The following GLYATL3 variants were observed in gnomAD, a reference collection of about 807,000 sequenced individuals.
GLYATL3 encodes glycine-N-acyltransferase like 3.
GLYATL3 carries 31 observed loss-of-function variants against 28.5 expected under a neutral mutation model. That is an observed-to-expected ratio of 1.09 (90% CI 0.82 to 1.47). GLYATL3 has a LOEUF of 1.47. Ranked by LOEUF, GLYATL3 falls within the 40% of genes most tolerant of loss-of-function variation. The pLI is 0.00. For missense variants in GLYATL3, 369 were observed against 351.5 expected, an observed-to-expected ratio of 1.05 and a Z score of -0.40; for synonymous variants, 141 against 140.2, an observed-to-expected ratio of 1.01 and a Z score of -0.04.
chr6:49,515,953 C>A (rs1769209250), intron 3 of GLYATL3, among the ~76,000 whole-genome samples, 193 bp downstream of exon 3: 3 of 131,596 alleles, frequency 2.3e-5, no homozygotes, highest in Middle Eastern at 7.4e-3. Flanking sequence ...CCCTCCCTCT[C>A]TCTCTCTCTC....
At chr6:49,517,954 C>T (rs946975013) in intron 4 of GLYATL3, among the ~76,000 whole-genome samples, 1 of 152,048 alleles carries the variant, frequency 6.6e-6, no homozygotes, top group Admixed American at 6.6e-5. Context: ...AATAGGTAGG[C>T]CTTTTATTTT....
chr6:49,505,032 G>C (rs888716849), intron 1 of GLYATL3, among the ~76,000 whole-genome samples: 7 of 152,198 alleles, frequency 4.6e-5, no homozygotes, highest in African/African-American at 1.7e-4. Context: ...ATCGAGAACA[G>C]TGTTGTACAA....
rs1395178102 is a variant in GLYATL3, at chr6:49,526,954, G to A, written c.*40G>A. 2 of 1,387,988 alleles carry A rather than the reference G, an allele frequency of 1.4e-6. No homozygotes were observed. Among genetic ancestry groups the A allele is most frequent in the Middle Eastern group, 1.8e-4 (1 of 5,432 alleles). The allele number at this position is 1,387,988 out of a possible 1,614,324, so 86.0% of individuals were successfully genotyped here. A position where few individuals can be genotyped will look rare whatever the true frequency, so the allele number is the denominator to read the frequency against. ...GCAGTGGTTTTATTACTTTCCCTGA[G>A]CATACACACACTCTTGGCTGCCAAC... On this transcript the variant is annotated 3_prime_UTR_variant, in exon 6 of 6. Coordinates refer to ENST00000371197, the MANE Select transcript of GLYATL3 (RefSeq NM_001010904.2).
chr6:49,505,751 C>G (rs1220329560), intron 1 of GLYATL3, among the ~76,000 whole-genome samples: 2 of 152,126 alleles, frequency 1.3e-5, no homozygotes, highest in Non-Finnish European at 2.9e-5. Context: ...CATCCTAACC[C>G]AATCAAAGTG....
At chr6:49,526,435 G>A in intron 5 of GLYATL3, 53 bp from the exon 6 acceptor site, 1 of 1,418,288 alleles carries the variant, frequency 7.1e-7, no homozygotes, top group Non-Finnish European at 9.6e-7. Context: ...GTGTAGTTAT[G>A]TATAACCACA....
chr6:49,518,583 C>T (rs1769257505), intron 4 of GLYATL3, among the ~76,000 whole-genome samples: 1 of 151,990 alleles, frequency 6.6e-6, no homozygotes, highest in Non-Finnish European at 1.5e-5. Context: ...CTTCTATCCA[C>T]CTGGAAAATT....
At chr6:49,516,580 C>T (rs1454416625) in intron 3 of GLYATL3, among the ~76,000 whole-genome samples, 1 of 151,870 alleles carries the variant, frequency 6.6e-6, no homozygotes, top group Non-Finnish European at 1.5e-5. Flanking sequence ...GAGTTATATA[C>T]CCTCTTTATT....
In GLYATL3 at chr6:49,517,440, A is replaced by T; in HGVS notation, c.197A>T (p.Asp66Val). The change falls in exon 4 of 6, where the codon GAT (aspartate) becomes GTT (valine). Residue 66 changes from aspartate (D) to valine (V), a missense_variant. Coordinates refer to ENST00000371197, the MANE Select transcript of GLYATL3 (RefSeq NM_001010904.2). ...TGTCTTCTGTCCTAGGCTGAGACAG[A>T]TAACCTTGATCATTATACTAATGCC... The part of the protein sequence containing the change: ...ITRRQREAET[D>V]NLDHYTNAYA... The T allele has an allele frequency of 6.5e-7, 1 of 1,542,846 alleles. No individual in the cohort carries two copies.
At chr6:49,515,012 C>T (rs185409919) in intron 2 of GLYATL3, among the ~76,000 whole-genome samples, 4 of 152,154 alleles carry the variant, frequency 2.6e-5, no homozygotes, top group African/African-American at 9.7e-5. Context: ...AGTCACCAAG[C>T]ATTCAATCAT....
intron 5 of GLYATL3, among the ~76,000 whole-genome samples, chr6:49,525,355 C>T (rs1769388885): frequency 6.6e-6 from 1 of 151,742 alleles, no homozygotes; most frequent in African/African-American, 2.4e-5. Flanking sequence ...CACTGGAGTG[C>T]AGCAGTTGGA....
rs527643027 is a variant in GLYATL3 at position 49,502,434 on chromosome 6, A to G, written c.-29+2392A>G. On this transcript the variant is annotated intron_variant, in intron 1 of 5. Transcript: ENST00000371197. ...TTATGTCTAAACTTAAATTATCTTCACTTCCTTGTAAATGGCATTTTACTG... is the reference window on the plus strand; with the variant it reads ...TTATGTCTAAACTTAAATTATCTTCGCTTCCTTGTAAATGGCATTTTACTG... Among the ~76,000 whole-genome samples, 5 of 152,288 alleles carry G rather than the reference A, an allele frequency of 3.3e-5. No homozygotes were observed. The East Asian group carries it at 5.8e-4, about 18-fold the overall frequency.
rs972355871 is a variant in GLYATL3 at position 49,499,946 on chromosome 6, G to A, written c.-125G>A. The A allele has an allele frequency of 6.6e-6, 1 of 151,878 alleles. No individual in the cohort carries two copies. Among genetic ancestry groups the A allele is most frequent in the Non-Finnish European group, 1.5e-5 (1 of 67,986 alleles). The allele number at this position is 151,878 out of a possible 1,614,324, so 9.4% of individuals were successfully genotyped here. A position where few individuals can be genotyped will look rare whatever the true frequency, so the allele number is the denominator to read the frequency against. On this transcript the variant is annotated 5_prime_UTR_variant, in exon 1 of 6. Coordinates refer to ENST00000371197, the MANE Select transcript of GLYATL3 (RefSeq NM_001010904.2). ...CTGTTTCCACTAAGGGCTAATTAGAGAGGTAGCCTTGAAGAATAAACTTAC... is the reference window on the plus strand; with the variant it reads ...CTGTTTCCACTAAGGGCTAATTAGAAAGGTAGCCTTGAAGAATAAACTTAC...
chr6:49,511,941 C>T, intron 1 of GLYATL3, 22 bp from the exon 2 acceptor site: 1 of 879,636 alleles, frequency 1.1e-6, no homozygotes, highest in Non-Finnish European at 1.8e-6. Flanking sequence ...AATTAAATGC[C>T]TACCTTCAAG....
rs189419026 is a variant in GLYATL3, at chr6:49,527,827, T to C, written c.*913T>C. On this transcript the variant is annotated 3_prime_UTR_variant, in exon 6 of 6. Coordinates refer to ENST00000371197, the MANE Select transcript of GLYATL3 (RefSeq NM_001010904.2). ...ACACATATATATACATTCTCTTCAT[T>C]TCTTTTATATGTATAGGTATATACT... is the stretch of plus-strand genomic sequence containing the variant. 8.3e-4 allele frequency among the ~76,000 whole-genome samples: 127 copies of C among 152,304 alleles called. 1 individual carries two copies. Among genetic ancestry groups the C allele is most frequent in the African/African-American group, 3.0e-3 (124 of 41,572 alleles).
chr6:49,526,562 G>A lies in GLYATL3; in HGVS notation c.515G>A (p.Gly172Glu), dbSNP rs951665406. Reference protein sequence around the residue: ...ADLLNRTWSRGGNEQCLRYIA... With the variant: ...ADLLNRTWSREGNEQCLRYIA... ...CTACTCAACCGGACTTGGTCCCGGG[G>A]AGGCAATGAACAATGTCTCCGGTAC... Residue 172 changes from glycine to glutamate, a missense_variant, in exon 6 of 6, where the codon GGA becomes GAA. Coordinates refer to ENST00000371197, the MANE Select transcript of GLYATL3 (RefSeq NM_001010904.2). The A allele has an allele frequency of 3.2e-6, 5 of 1,551,732 alleles. No individual in the cohort carries two copies. The African/African-American group carries it at 5.5e-5, about 17-fold the overall frequency.
At chr6:49,504,907 T>A (rs1478794123) in intron 1 of GLYATL3, among the ~76,000 whole-genome samples, 1 of 152,186 alleles carries the variant, frequency 6.6e-6, no homozygotes, top group Non-Finnish European at 1.5e-5. Flanking sequence ...GAAATGCACA[T>A]AAGCTAATTT....
rs182732802 is a variant in GLYATL3 at position 49,514,675 on chromosome 6, A to T, written c.79-978A>T. 3.2e-3 allele frequency among the ~76,000 whole-genome samples: 490 copies of T among 151,714 alleles called. 1 individual carries two copies. Among genetic ancestry groups the T allele is most frequent in the African/African-American group, 0.011 (457 of 41,324 alleles). ...ATGAGACCGCATCTCTACAAAAAAA[A>T]TTTTTTTAATTATCCAGGTGTGGTG... On this transcript the variant is annotated intron_variant, in intron 2 of 5. Coordinates refer to ENST00000371197, the MANE Select transcript of GLYATL3 (RefSeq NM_001010904.2).
At chr6:49,521,827 G>A (rs1769321949) in intron 5 of GLYATL3, 56 bp downstream of exon 5, 23 of 1,458,494 alleles carry the variant, frequency 1.6e-5, no homozygotes, top group South Asian at 2.5e-5. Context: ...AGAAGTACAC[G>A]TAGCAGTAAC....
chr6:49,504,763 G>A (rs1768980550), intron 1 of GLYATL3, among the ~76,000 whole-genome samples: 2 of 152,088 alleles, frequency 1.3e-5, no homozygotes, highest in Admixed American at 1.3e-4. Context: ...GCAATAGGCT[G>A]GATCATTGTC....
Sources: allele counts gnomAD v4.1 joint callset (sites outside exome capture counted in the v4.1 genomes callset), GRCh38; gene constraint gnomAD v4.1.1; transcripts MANE v1.5; gene names NCBI Gene and HGNC (gene_info 2026-07-23, HGNC 2026-07-21).